Variants in CACNA1B observed in about 807,000 individuals in gnomAD.
CACNA1B encodes voltage-dependent N-type calcium channel subunit alpha-1B.
CACNA1B carries 70 observed loss-of-function variants against 247.2 expected under a neutral mutation model. The observed-to-expected ratio is 0.28, with a 90% CI of 0.23 to 0.35. The LOEUF is 0.35. Ranked by LOEUF, CACNA1B falls within the 10% of genes least tolerant of loss-of-function variation. The pLI is 1.00. For missense variants in CACNA1B, 2,367 were observed against 3,197.4 expected (o/e 0.74, Z 6.26); for synonymous variants, 1,231 against 1,294.4 (o/e 0.95, Z 1.05).
chr9:137,914,130 G>A lies in CACNA1B; in HGVS notation c.623-524G>A, dbSNP rs879902467. Among the ~76,000 whole-genome samples, 1 of 152,070 alleles carries A rather than the reference G, an allele frequency of 6.6e-6. No individual in the cohort carries two copies. The highest frequency in any genetic ancestry group is 1.5e-5 in the Non-Finnish European group (1 of 67,984). On this transcript the variant is annotated intron_variant, in intron 4 of 46. Coordinates refer to ENST00000371372, the MANE Select transcript of CACNA1B (RefSeq NM_000718.4). The surrounding 1 kb of genome is among the most constrained non-coding windows in gnomAD (Gnocchi z 4.3). ...CTGTACTTCTCCCCCAGGATCCCCT[G>A]CTCTTCCCTCCCAGGGTCCCCTCCT...
chr9:138,099,429 ACCTGTGTGTGCATATG>A (rs1452104330), intron 37 of CACNA1B, among the ~76,000 whole-genome samples: 1 of 151,964 alleles, frequency 6.6e-6, no homozygotes, highest in Non-Finnish European at 1.5e-5. Context: ...TGACATGTGC[ACCTGTGTGTGCATATG>A]CCCATGTGTG....
At chr9:137,959,643 G>A (rs1441116234) in intron 10 of CACNA1B, among the ~76,000 whole-genome samples, 2 of 151,822 alleles carry the variant, frequency 1.3e-5, no homozygotes, top group Non-Finnish European at 1.5e-5. Context: ...AAATCGCCCC[G>A]TTCTCAGGGT....
At chr9:137,931,913 C>T (rs1204199639) in intron 6 of CACNA1B, among the ~76,000 whole-genome samples, 1 of 152,172 alleles carries the variant, frequency 6.6e-6, no homozygotes, top group South Asian at 2.1e-4. Flanking sequence ...CTCAACTTAG[C>T]ATTTCTGACC....
intron 39 of CACNA1B, among the ~76,000 whole-genome samples, chr9:138,109,066 A>G (rs1961534885): frequency 6.6e-6 from 1 of 152,276 alleles, no homozygotes; most frequent in Admixed American, 6.5e-5. Flanking sequence ...GGAAAAGTAT[A>G]TGATTATCTC....
At position 137,901,288 on chromosome 9, in the gene CACNA1B, G is replaced by A. The variant is rs144346228; in HGVS notation, c.531-11892G>A. Among the ~76,000 whole-genome samples, 7 of 150,892 alleles carry A rather than the reference G, an allele frequency of 4.6e-5. No homozygotes were observed. The East Asian group carries it at 5.9e-4, about 13-fold the overall frequency. ...TCTGTGTCTCTGTGTCTGTGTGTCCGTGTCTGTGCCATGTGTCCCATCCCT... is the reference window on the plus strand; with the variant it reads ...TCTGTGTCTCTGTGTCTGTGTGTCCATGTCTGTGCCATGTGTCCCATCCCT... On this transcript the variant is annotated intron_variant, in intron 3 of 46. Transcript: ENST00000371372.
chr9:137,960,261 A>G (rs968443319), intron 10 of CACNA1B, among the ~76,000 whole-genome samples: 688 of 3,820 alleles, frequency 0.18, no homozygotes, highest in Admixed American at 0.24. Flanking sequence ...CCTGAGGGAC[A>G]CCCGGAGAGA....
intron 39 of CACNA1B, among the ~76,000 whole-genome samples, chr9:138,108,679 C>A (rs1025281956): frequency 6.6e-6 from 1 of 151,052 alleles, no homozygotes; most frequent in Admixed American, 6.6e-5. Context: ...GATGGAGTCT[C>A]ACTCTGTTGC....
At position 137,899,154 on chromosome 9, in the gene CACNA1B, C is replaced by A. The variant is rs542539328; in HGVS notation, c.531-14026C>A. Among the ~76,000 whole-genome samples, 2 of 151,860 alleles carry A rather than the reference C, an allele frequency of 1.3e-5. No individual in the cohort carries two copies. The highest frequency in any genetic ancestry group is 2.9e-5 in the Non-Finnish European group (2 of 67,980). On this transcript the variant is annotated intron_variant, in intron 3 of 46. Transcript: ENST00000371372. This position sits in a 1 kb window ranked among gnomAD's most constrained non-coding sequence, Gnocchi z 5.0. ...CCAGGGTGGAGTGCAGTGCTGCAAT[C>A]TCAGCTCACTGCAACCTCCGCCTCC...
chr9:138,121,417 C>T lies in CACNA1B; in HGVS notation c.6490-52C>T, dbSNP rs966241485. The T allele has an allele frequency of 3.5e-6, 3 of 866,148 alleles. No homozygotes were observed. Among genetic ancestry groups the T allele is most frequent in the South Asian group, 5.0e-5 (2 of 40,114 alleles). The allele number at this position is 866,148 out of a possible 1,614,324, so 53.7% of individuals were successfully genotyped here. A position where few individuals can be genotyped will look rare whatever the true frequency, so the allele number is the denominator to read the frequency against. On this transcript the variant is annotated intron_variant, in intron 46 of 46. Coordinates refer to ENST00000371372, the MANE Select transcript of CACNA1B (RefSeq NM_000718.4). The surrounding 1 kb of genome is among the most constrained non-coding windows in gnomAD (Gnocchi z 6.8). ...TGATGTGCTCTGTCTGTTGGTTCGG[C>T]TTTTTTTTTTTTTTTTTTACCTCTG...
chr9:138,093,027 A>G lies in CACNA1B; in HGVS notation c.5095-3457A>G, dbSNP rs143966917. Among the ~76,000 whole-genome samples, 6 of 152,336 alleles carry G rather than the reference A, an allele frequency of 3.9e-5. No homozygotes were observed. The South Asian group carries it at 6.2e-4, about 16-fold the overall frequency. ...CAATAAGCACATGAAAAAATATTCA[A>G]CATCACTAATAATTAGGGAAATGCA... On this transcript the variant is annotated intron_variant, in intron 36 of 46. Transcript: ENST00000371372.
chr9:137,957,448 G>A lies in CACNA1B; in HGVS notation c.1244-150G>A, dbSNP rs1166049615. 14 of 464,406 alleles carry A rather than the reference G, an allele frequency of 3.0e-5. No homozygotes were observed. The highest frequency in any genetic ancestry group is 4.9e-5 in the Non-Finnish European group (13 of 267,592). 28.8% of individuals were successfully genotyped at this position (464,406 alleles called of 1,614,324 possible). On this transcript the variant is annotated intron_variant, in intron 9 of 46. Transcript: ENST00000371372. This position sits in a 1 kb window ranked among gnomAD's most constrained non-coding sequence, Gnocchi z 4.7. ...TGGGGACTGGGAGGGACCCAAGGGG[G>A]CCCACAATCATCCGGCCTCAGCCCC...
intron 10 of CACNA1B, among the ~76,000 whole-genome samples, chr9:137,969,993 T>C (rs935296009): frequency 1.3e-5 from 2 of 151,864 alleles, no homozygotes; most frequent in Admixed American, 6.5e-5. Flanking sequence ...ACACAGAAAA[T>C]GCACATAGCA....
intron 12 of CACNA1B, among the ~76,000 whole-genome samples, chr9:137,982,078 G>A (rs982697786): frequency 6.6e-6 from 1 of 152,120 alleles, no homozygotes; most frequent in Non-Finnish European, 1.5e-5. Context: ...TCCTGCTGGG[G>A]AACAAATTAT....
At chr9:137,962,873 G>C (rs1958035391) in intron 10 of CACNA1B, among the ~76,000 whole-genome samples, 1 of 152,204 alleles carries the variant, frequency 6.6e-6, no homozygotes, top group African/African-American at 2.4e-5. Context: ...TTTGGGTGGA[G>C]AGTTCTGTAT....
rs1957422108 is a variant in CACNA1B at position 137,917,184 on chromosome 9, G to C, written c.776-57G>C. The C allele has an allele frequency of 3.8e-5, 58 of 1,514,194 alleles. No individual in the cohort carries two copies. The highest frequency in any genetic ancestry group is 5.2e-5 in the Non-Finnish European group (58 of 1,109,000). The allele number at this position is 1,514,194 out of a possible 1,614,324, so 93.8% of individuals were successfully genotyped here. On this transcript the variant is annotated intron_variant, in intron 5 of 46. Transcript: ENST00000371372. The surrounding 1 kb of genome is among the most constrained non-coding windows in gnomAD (Gnocchi z 5.5). ...CTCCAGAGCCCAGGAATCCTGGTGGGGATTGGAGAGCTTGGTATTTCTGAG... is the reference window on the plus strand; with the variant it reads ...CTCCAGAGCCCAGGAATCCTGGTGGCGATTGGAGAGCTTGGTATTTCTGAG...
intron 6 of CACNA1B, among the ~76,000 whole-genome samples, chr9:137,922,035 A>G (rs1957490371): frequency 6.7e-6 from 1 of 149,802 alleles, no homozygotes; most frequent in Admixed American, 6.6e-5. Flanking sequence ...GCATTCGGAG[A>G]ACATGATCAG....
chr9:138,093,768 TA>T (rs1270723224), intron 36 of CACNA1B, among the ~76,000 whole-genome samples: 3 of 151,916 alleles, frequency 2.0e-5, no homozygotes. Flanking sequence ...TTAATTAAAT[TA>T]ATTAATAAAT....
chr9:138,096,089 A>G (rs1216148721), intron 36 of CACNA1B, among the ~76,000 whole-genome samples: 1 of 152,208 alleles, frequency 6.6e-6, no homozygotes. Context: ...AAAATGGGTA[A>G]TTGTATGTTG....
intron 6 of CACNA1B, among the ~76,000 whole-genome samples, chr9:137,951,295 C>T (rs574395559): frequency 2.6e-5 from 4 of 152,362 alleles, no homozygotes; most frequent in African/African-American, 4.8e-5. Flanking sequence ...TCAGGAACCA[C>T]GAGCTTCAGT....
Sources: gnomAD v4.1 joint callset for allele counts (sites outside exome capture counted in the v4.1 genomes callset) on GRCh38, gnomAD v4.1.1 for gene constraint, Gnocchi (gnomAD v3.1) non-coding constraint, MANE v1.5 for transcripts, NCBI Gene and HGNC (gene_info 2026-07-23, HGNC 2026-07-21) for gene names.